Variants in B3GALT1 observed in about 807,000 individuals in gnomAD.
The protein encoded by B3GALT1 is UDP-Gal:betaGlcNAc beta 1,3-galactosyltransferase, polypeptide 1.
Under a neutral mutation model 23.2 loss-of-function variants are expected in B3GALT1, and 10 were observed. The observed-to-expected ratio is 0.43, with a 90% CI of 0.27 to 0.73. The LOEUF is 0.73. Among genes scored for constraint, B3GALT1 ranks in the 30% least tolerant of loss-of-function variants. B3GALT1 has a pLI of 0.21. For missense variants in B3GALT1, 299 were observed against 405.4 expected, an observed-to-expected ratio of 0.74 and a Z score of 2.25; for synonymous variants, 156 against 141.5, an observed-to-expected ratio of 1.10 and a Z score of -0.73.
At chr2:167,830,562 A>G (rs956592326) in intron 4 of B3GALT1, among the ~76,000 whole-genome samples, 5 of 152,158 alleles carry the variant, frequency 3.3e-5, no homozygotes, top group African/African-American at 1.2e-4. Context: ...TGATGCTACC[A>G]TTGTTGATTA....
At chr2:167,535,593 CAG>C (rs963904271) in intron 2 of B3GALT1, among the ~76,000 whole-genome samples, 6 of 149,522 alleles carry the variant, frequency 4.0e-5, no homozygotes, top group South Asian at 2.1e-4. Flanking sequence ...AAAAAAAAAA[CAG>C]AACACATAGG....
intron 2 of B3GALT1, among the ~76,000 whole-genome samples, chr2:167,544,381 A>G (rs1683590446): frequency 6.6e-6 from 1 of 151,928 alleles, no homozygotes; most frequent in Non-Finnish European, 1.5e-5. Flanking sequence ...TGCAGCCTCC[A>G]CCTCCTGGGT....
rs558030065 is a variant in B3GALT1 at position 167,765,924 on chromosome 2, C to T, written c.-351-52748C>T. Among the ~76,000 whole-genome samples, 3 of 152,320 alleles carry T rather than the reference C, an allele frequency of 2.0e-5. No individual in the cohort carries two copies. The South Asian group carries it at 6.2e-4, about 32-fold the overall frequency. ...AAAAGCATTTAAACTCTGTTGCCAT[C>T]TATTAATACACTATTTGAGAGATGA... is the stretch of plus-strand genomic sequence containing the variant. On this transcript the variant is annotated intron_variant, in intron 3 of 4. Coordinates refer to ENST00000392690, the MANE Select transcript of B3GALT1 (RefSeq NM_020981.4).
intron 2 of B3GALT1, among the ~76,000 whole-genome samples, chr2:167,562,646 A>G (rs1263436190): frequency 8.1e-6 from 1 of 122,798 alleles, no homozygotes; most frequent in African/African-American, 3.7e-5. Context: ...AATCACAAGC[A>G]TTCTTTTTTT....
chr2:167,452,862 G>T lies in B3GALT1; in HGVS notation c.-510-37315G>T, dbSNP rs550277457. Among the ~76,000 whole-genome samples the T allele has an allele frequency of 8.1e-4, 123 of 152,154 alleles. 3 individuals are homozygous for T. The South Asian group carries it at 0.026, about 32-fold the overall frequency. On this transcript the variant is annotated intron_variant, in intron 1 of 4. Coordinates refer to ENST00000392690, the MANE Select transcript of B3GALT1 (RefSeq NM_020981.4). ...AATATAACTCTGGTTCTTAACCCTG[G>T]GTGCCATGAGAGTCACCTGTAGAGT...
chr2:167,486,596 T>TAGTC (rs1041227892), intron 1 of B3GALT1, among the ~76,000 whole-genome samples: 1 of 151,832 alleles, frequency 6.6e-6, no homozygotes, highest in Non-Finnish European at 1.5e-5. Context: ...CGCACGCCTG[T>TAGTC]AGTCCCAGCT....
chr2:167,668,020 C>G (rs368332240), intron 3 of B3GALT1, among the ~76,000 whole-genome samples: 1 of 152,164 alleles, frequency 6.6e-6, no homozygotes, highest in Non-Finnish European at 1.5e-5. Flanking sequence ...GGAGGAGAGG[C>G]GCTCTGCTTT....
chr2:167,592,889 C>T (rs888131626), intron 2 of B3GALT1, among the ~76,000 whole-genome samples: 1 of 152,040 alleles, frequency 6.6e-6, no homozygotes, highest in Non-Finnish European at 1.5e-5. Context: ...ACAGAGACTA[C>T]ACAGCAAAAG....
chr2:167,750,780 G>A (rs1007399544), intron 3 of B3GALT1, among the ~76,000 whole-genome samples: 1 of 150,248 alleles, frequency 6.7e-6, no homozygotes, highest in African/African-American at 2.4e-5. Context: ...GTAACACTCA[G>A]GGATCTTTAG....
chr2:167,803,917 CTT>C (rs1688693037), intron 3 of B3GALT1, among the ~76,000 whole-genome samples: 1 of 152,118 alleles, frequency 6.6e-6, no homozygotes, highest in Non-Finnish European at 1.5e-5. Flanking sequence ...TTCACAGGTC[CTT>C]TTGTATTTAT....
At chr2:167,743,049 T>A (rs114873713) in intron 3 of B3GALT1, among the ~76,000 whole-genome samples, 3,477 of 152,268 alleles carry the variant, frequency 0.023, 60 homozygotes, top group Non-Finnish European at 0.036. Flanking sequence ...ATGTACTTTT[T>A]CTATGAATAT....
At chr2:167,485,346 G>T (rs1212960902) in intron 1 of B3GALT1, among the ~76,000 whole-genome samples, 1 of 152,110 alleles carries the variant, frequency 6.6e-6, no homozygotes, top group Admixed American at 6.5e-5. Context: ...TCCTGTTTGT[G>T]TAAGCATTTG....
intron 1 of B3GALT1, among the ~76,000 whole-genome samples, chr2:167,395,154 C>T (rs753704359): frequency 6.6e-6 from 1 of 152,018 alleles, no homozygotes; most frequent in African/African-American, 2.4e-5. Flanking sequence ...GCATTTTGCA[C>T]GTGAGATGGA....
At chr2:167,662,950 AT>A (rs954992245) in intron 3 of B3GALT1, among the ~76,000 whole-genome samples, 8 of 150,058 alleles carry the variant, frequency 5.3e-5, no homozygotes, top group Non-Finnish European at 1.0e-4. Context: ...TTTTTATTGT[AT>A]TTTCTTTTTT....
intron 3 of B3GALT1, among the ~76,000 whole-genome samples, chr2:167,717,998 G>T (rs940187185): frequency 6.6e-5 from 10 of 152,122 alleles, no homozygotes; most frequent in African/African-American, 2.4e-4. Flanking sequence ...TGTATGATCT[G>T]TTACAGTTTT....
intron 3 of B3GALT1, among the ~76,000 whole-genome samples, chr2:167,774,532 C>G (rs1688129739): frequency 8.9e-6 from 1 of 112,396 alleles, no homozygotes; most frequent in South Asian, 3.1e-4. Flanking sequence ...GAGTCTTGCT[C>G]TGTCACCCAG....
chr2:167,632,113 A>G (rs1486641795), intron 2 of B3GALT1, among the ~76,000 whole-genome samples: 1 of 152,014 alleles, frequency 6.6e-6, no homozygotes, highest in East Asian at 1.9e-4. Context: ...GTCCCTGCAA[A>G]GGACATGAAC....
intron 3 of B3GALT1, among the ~76,000 whole-genome samples, chr2:167,777,513 A>T (rs572603268): frequency 0.018 from 2,667 of 151,998 alleles, 39 homozygotes; most frequent in South Asian, 0.068. Context: ...CGCCCAGCTA[A>T]TTTTTTGTGT....
chr2:167,505,039 T>C (rs111372936), intron 2 of B3GALT1, among the ~76,000 whole-genome samples: 128 of 152,312 alleles, frequency 8.4e-4, no homozygotes, highest in African/African-American at 3.0e-3. Flanking sequence ...CTACAAAATA[T>C]ATTAAGTGAA....
Sources: allele counts gnomAD v4.1 joint callset (sites outside exome capture counted in the v4.1 genomes callset), GRCh38; gene constraint gnomAD v4.1.1; transcripts MANE v1.5; gene names NCBI Gene and HGNC (gene_info 2026-07-23, HGNC 2026-07-21).